Variants in COL2A1 observed in about 807,000 individuals in gnomAD.
COL2A1 encodes collagen alpha-1(II) chain.
A neutral mutation model predicts 204.5 loss-of-function variants in COL2A1; 28 were observed. The observed-to-expected ratio is 0.14, with a 90% CI of 0.10 to 0.19. The LOEUF (loss-of-function observed/expected upper bound fraction) is 0.19, where lower values mean the gene tolerates loss of function less well. Ranked by LOEUF, COL2A1 falls within the 10% of genes least tolerant of loss-of-function variation. The pLI, the probability that COL2A1 is intolerant of heterozygous loss-of-function variation, is 1.00. For synonymous variants in COL2A1, 708 were observed against 718.7 expected (o/e 0.99, Z 0.24); for missense variants, 1,388 against 2,027.5 (o/e 0.68, Z 6.06).
At chr12:47,999,313 C>T (rs1036839735) in intron 2 of COL2A1, among the ~76,000 whole-genome samples, 2 of 152,186 alleles carry the variant, frequency 1.3e-5, no homozygotes, top group Non-Finnish European at 2.9e-5. Flanking sequence ...CTGTCTCCAC[C>T]CGTCCCCACG....
In COL2A1 at chr12:47,974,350, G is replaced by A; in HGVS notation, c.4075-19C>T. ...AGCTGAACTGTTGGGGCAGAGAGCGGCAGTGTGAGGCCTGGGAGCTGGCAT... is the reference window on the plus strand; with the variant it reads ...AGCTGAACTGTTGGGGCAGAGAGCGACAGTGTGAGGCCTGGGAGCTGGCAT... On this transcript the variant is annotated intron_variant, in intron 52 of 53. Transcript: ENST00000380518. 2 of 1,612,950 alleles carry A rather than the reference G, an allele frequency of 1.2e-6. No individual in the cohort carries two copies. Among genetic ancestry groups the A allele is most frequent in the Non-Finnish European group, 1.7e-6 (2 of 1,179,888 alleles).
chr12:47,973,256 A>G lies in COL2A1; in HGVS notation c.*151T>C. 2 of 943,114 alleles carry G rather than the reference A, an allele frequency of 2.1e-6. No individual in the cohort carries two copies. The highest frequency in any genetic ancestry group is 2.4e-5 in the East Asian group (1 of 41,708). 58.4% of individuals were successfully genotyped at this position (943,114 alleles called of 1,614,324 possible). On this transcript the variant is annotated 3_prime_UTR_variant, in exon 54 of 54. Transcript: ENST00000380518. ...CCCAGTTCAGGTCTCTTAGAAAGAG[A>G]GGGGAGAAAAGTCCGAACTGTGAGA... is the stretch of plus-strand genomic sequence containing the variant.
At chr12:47,998,115 AT>A in intron 4 of COL2A1, 51 bp from the exon 5 acceptor site, 4 of 1,614,212 alleles carry the variant, frequency 2.5e-6, no homozygotes, top group Non-Finnish European at 3.4e-6. Flanking sequence ...GCACAAGGAA[AT>A]GACCCATTTA....
At chr12:47,983,284 G>C (rs894244291) in intron 31 of COL2A1, 101 bp downstream of exon 31, 46 of 1,477,074 alleles carry the variant, frequency 3.1e-5, no homozygotes, top group Non-Finnish European at 4.2e-5. Context: ...ACATTCCCAG[G>C]CCTCACAGGG....
In COL2A1 at chr12:48,000,031, C is replaced by T; in HGVS notation, c.180G>A (p.Gly60=). ...AGATTATGTCGTCGCAGAGGACAGTCCCAGTGTCACAGACACAGATCCGGC... is the reference window on the plus strand; with the variant it reads ...AGATTATGTCGTCGCAGAGGACAGTTCCAGTGTCACAGACACAGATCCGGC... ...EPCRICVCDT[G]TVLCDDIICE... is the part of the protein sequence containing the mutation. Residue 60 remains glycine (G), a synonymous_variant, in exon 2 of 54, where the codon GGG becomes GGA. Transcript: ENST00000380518. The T allele has an allele frequency of 6.2e-7, 1 of 1,613,714 alleles. No individual in the cohort carries two copies. Among genetic ancestry groups the T allele is most frequent in the Non-Finnish European group, 8.5e-7 (1 of 1,179,682 alleles).
intron 17 of COL2A1, among the ~76,000 whole-genome samples, 167 bp downstream of exon 17, chr12:47,989,594 G>A (rs1347614237): frequency 2.0e-5 from 3 of 152,144 alleles, no homozygotes; most frequent in Admixed American, 6.5e-5. Flanking sequence ...GCTTGTTATC[G>A]ATATGCTCAA....
chr12:48,000,421 C>T (rs1321954287), intron 1 of COL2A1, among the ~76,000 whole-genome samples: 2 of 152,140 alleles, frequency 1.3e-5, no homozygotes, highest in South Asian at 2.1e-4. Context: ...TCTTTACCCA[C>T]CTAATACGGG....
In COL2A1 at chr12:47,984,174, C is replaced by T. The variant is rs41263844; in HGVS notation, c.1888-34G>A. The stretch of plus-strand genomic sequence containing the variant: ...AAGAGAAAAAGAAAAGTCAATGACA[C>T]GCTTTTCTTCCCACTTGCAGTCCCC... On this transcript the variant is annotated intron_variant, in intron 28 of 53. Transcript: ENST00000380518. 1,828 of 1,600,214 alleles carry T rather than the reference C, an allele frequency of 1.1e-3. 16 individuals carry two copies. The African/African-American group carries it at 0.02, about 17-fold the overall frequency.
chr12:47,975,854 A>C (rs1391455631), intron 50 of COL2A1, 109 bp downstream of exon 50: 1 of 912,490 alleles, frequency 1.1e-6, no homozygotes, highest in Non-Finnish European at 1.8e-6. Context: ...GGATGCCATC[A>C]CTGTTAGCTG....
chr12:47,999,840 G>A, intron 2 of COL2A1, 79 bp downstream of exon 2: 4 of 1,305,440 alleles, frequency 3.1e-6, no homozygotes, highest in East Asian at 2.3e-5. Context: ...TTGCAGAGAC[G>A]ACCAGCATCT....
Position 47,985,729 on chromosome 12 carries a change from C to T in COL2A1, c.1679G>A (p.Arg560Gln), listed in dbSNP as rs1186241291. 6.8e-6 allele frequency: 11 copies of T among 1,613,864 alleles called. No individual in the cohort carries two copies. Among genetic ancestry groups the T allele is most frequent in the South Asian group, 1.1e-5 (1 of 91,068 alleles). Residue 560 changes from arginine (R) to glutamine (Q), a missense_variant and splice_region_variant, in exon 25 of 54, where the codon CGG becomes CAG. Coordinates refer to ENST00000380518, the MANE Select transcript of COL2A1 (RefSeq NM_001844.5). ...GGCAACAGCAGCTCTGCTACTTACC[C>T]GGGCTCCAGGAAGGCCAGGTTCTCC... Reference protein sequence around the residue: ...RPGEPGLPGARGLTGRPGDAG... With the variant: ...RPGEPGLPGAQGLTGRPGDAG...
At chr12:47,989,112 G>A in intron 18 of COL2A1, 116 bp downstream of exon 18, 2 of 853,680 alleles carry the variant, frequency 2.3e-6, no homozygotes, top group East Asian at 2.6e-5. Flanking sequence ...GGGGTGGTGG[G>A]GAGCTACTTC....
intron 44 of COL2A1, 96 bp downstream of exon 44, chr12:47,977,914 G>T: frequency 8.2e-7 from 1 of 1,215,476 alleles, no homozygotes. Context: ...CCCTTCTCCA[G>T]GGCCCTGACT....
At chr12:47,990,999 T>C (rs986979279) in intron 16 of COL2A1, among the ~76,000 whole-genome samples, 2 of 152,212 alleles carry the variant, frequency 1.3e-5, no homozygotes, top group Non-Finnish European at 2.9e-5. Context: ...TAAATACAAC[T>C]CAACTCTTCT....
intron 52 of COL2A1, 126 bp downstream of exon 52, chr12:47,974,549 T>C (rs1481216203): frequency 1.6e-6 from 2 of 1,286,658 alleles, no homozygotes; most frequent in Non-Finnish European, 2.2e-6. Flanking sequence ...CCTCTTTCCC[T>C]CCTCTCAAGC....
chr12:47,976,947 T>G lies in COL2A1; in HGVS notation c.3328-28A>C. 1 of 1,575,948 alleles carries G rather than the reference T, an allele frequency of 6.3e-7. No homozygotes were observed. Among genetic ancestry groups the G allele is most frequent in the South Asian group, 1.1e-5 (1 of 87,186 alleles). ...GGGAACAAGACAGACACCGATTGAG[T>G]CAGGTCAGGGCCAGGACAGGAGCCC... On this transcript the variant is annotated intron_variant, in intron 47 of 53. Transcript: ENST00000380518. The surrounding 1 kb of genome is among the most constrained non-coding windows in gnomAD (Gnocchi z 4.3).
In COL2A1 at chr12:47,979,993, C is replaced by T. The variant is rs1447700497; in HGVS notation, c.2679+16G>A. ...CTTTGTGAGGTGCAGGGTGGGGTGT[C>T]AGAGGCCTCACTCACCGGGGGGCCT... On this transcript the variant is annotated intron_variant, in intron 40 of 53. Transcript: ENST00000380518. The T allele has an allele frequency of 6.4e-7, 1 of 1,551,306 alleles. No individual in the cohort carries two copies. The highest frequency in any genetic ancestry group is 1.4e-5 in the African/African-American group (1 of 73,172).
chr12:47,974,988 G>C, intron 51 of COL2A1, 126 bp from the exon 52 acceptor site: 1 of 1,018,776 alleles, frequency 9.8e-7, no homozygotes, highest in Non-Finnish European at 1.4e-6. Context: ...TTCACATGTG[G>C]CCTGAAAGGA....
chr12:47,981,490 A>G (rs1939079054), intron 36 of COL2A1, 94 bp from the exon 37 acceptor site: 1 of 1,179,738 alleles, frequency 8.5e-7, no homozygotes. Flanking sequence ...TGCTCGTGGG[A>G]AGGGGGCTCC....
Sources: allele counts gnomAD v4.1 joint callset (sites outside exome capture counted in the v4.1 genomes callset), GRCh38; gene constraint gnomAD v4.1.1; non-coding constraint Gnocchi (gnomAD v3.1); transcripts MANE v1.5; gene names NCBI Gene and HGNC (gene_info 2026-07-23, HGNC 2026-07-21).